SLC2A4RG: variants seen among roughly 807,000 people sequenced by gnomAD.
SLC2A4RG encodes GLUT4 enhancer factor.
SLC2A4RG carries 23 observed loss-of-function variants against 35.5 expected under a neutral mutation model. That is an observed-to-expected ratio of 0.65 (90% CI 0.47 to 0.92). The LOEUF (loss-of-function observed/expected upper bound fraction) is 0.92. Among genes scored for constraint, SLC2A4RG ranks in the 40% least tolerant of loss-of-function variants. SLC2A4RG has a pLI of 0.00. For missense variants in SLC2A4RG, 539 were observed against 525.0 expected (o/e 1.03, Z -0.26); for synonymous variants, 306 against 243.7 (o/e 1.26, Z -2.38).
At chr20:63,740,753 C>T (rs1243007826) in intron 2 of SLC2A4RG, among the ~76,000 whole-genome samples, 1 of 152,224 alleles carries the variant, frequency 6.6e-6, no homozygotes, top group Non-Finnish European at 1.5e-5. Flanking sequence ...GCTCAGAACC[C>T]GGAGCGGGTG....
Position 63,743,309 on chromosome 20 carries a change from T to C in SLC2A4RG, c.*319T>C. On this transcript the variant is annotated 3_prime_UTR_variant, in exon 8 of 8. Coordinates refer to ENST00000266077, the MANE Select transcript of SLC2A4RG (RefSeq NM_020062.4). Reference sequence around the variant, plus strand: ...CGGCCCGTAGATTTATCAAGGGTGTTATGGGCCCAGCTTTGGGGGGCCAGT... The same window carrying C: ...CGGCCCGTAGATTTATCAAGGGTGTCATGGGCCCAGCTTTGGGGGGCCAGT... The C allele has an allele frequency of 4.2e-6, 1 of 238,724 alleles. No individual in the cohort carries two copies. Among genetic ancestry groups the C allele is most frequent in the East Asian group, 8.7e-5 (1 of 11,450 alleles). 14.8% of individuals were successfully genotyped at this position (238,724 alleles called of 1,614,324 possible). A position where few individuals can be genotyped will look rare whatever the true frequency, so the allele number is the denominator to read the frequency against.
In SLC2A4RG at chr20:63,743,679, A is replaced by AATT. The variant is rs1410318487; in HGVS notation, c.*690_*692dup. 6.6e-6 allele frequency: 1 copy of AATT among 152,394 alleles called. No individual in the cohort carries two copies. The highest frequency in any genetic ancestry group is 2.4e-5 in the African/African-American group (1 of 41,456). 9.4% of individuals were successfully genotyped at this position (152,394 alleles called of 1,614,324 possible). On this transcript the variant is annotated 3_prime_UTR_variant, in exon 8 of 8. Transcript: ENST00000266077. ...CGCAGGAGGCATCTGCTGGAGCAGC[A>AATT]ATTTCCCAATTTATTGAAAGTGATC...
chr20:63,740,067 G>T, intron 1 of SLC2A4RG, 29 bp downstream of exon 1: 1 of 942,914 alleles, frequency 1.1e-6, no homozygotes, highest in South Asian at 4.8e-5. Flanking sequence ...CGGGGGCGCC[G>T]ACCAAGTTTC....
rs1322520598 is a variant in SLC2A4RG at position 63,743,926 on chromosome 20, C to CAATAT, written c.*943_*947dup. 2 of 152,554 alleles carry CAATAT rather than the reference C, an allele frequency of 1.3e-5. No individual in the cohort carries two copies. Among genetic ancestry groups the CAATAT allele is most frequent in the South Asian group, 4.2e-4 (2 of 4,810 alleles). The allele number at this position is 152,554 out of a possible 1,614,324, so 9.5% of individuals were successfully genotyped here. ...AGGTTTATAATAAGTAATAGGAAGTCAATATAATATAGATTATCCCCAGAA... is the reference window on the plus strand; with the variant it reads ...AGGTTTATAATAAGTAATAGGAAGTCAATATAATATAATATAGATTATCCCCAGAA... On this transcript the variant is annotated 3_prime_UTR_variant, in exon 8 of 8. Transcript: ENST00000266077.
chr20:63,743,084 T>A lies in SLC2A4RG; in HGVS notation c.*94T>A. 1 of 451,786 alleles carries A rather than the reference T, an allele frequency of 2.2e-6. No individual in the cohort carries two copies. The highest frequency in any genetic ancestry group is 3.1e-6 in the Non-Finnish European group (1 of 317,652). 28.0% of individuals were successfully genotyped at this position (451,786 alleles called of 1,614,324 possible). ...ACAGCCCGAGGACAGCCCCAGGGGC[T>A]GGCTTTCACCAGCTGCAGGGTCTGC... On this transcript the variant is annotated 3_prime_UTR_variant, in exon 8 of 8. Transcript: ENST00000266077.
In SLC2A4RG at chr20:63,743,090, TCACCAGCTGCAGGG is replaced by T; in HGVS notation, c.*101_*114del. 3.8e-6 allele frequency: 1 copy of T among 260,624 alleles called. No individual in the cohort carries two copies. The highest frequency in any genetic ancestry group is 8.4e-5 in the Admixed American group (1 of 11,894). 16.1% of individuals were successfully genotyped at this position (260,624 alleles called of 1,614,324 possible). A position where few individuals can be genotyped will look rare whatever the true frequency, so the allele number is the denominator to read the frequency against. On this transcript the variant is annotated 3_prime_UTR_variant, in exon 8 of 8. Transcript: ENST00000266077. ...CGAGGACAGCCCCAGGGGCTGGCTT[TCACCAGCTGCAGGG>T]TCTGCTTTTACTTGGGGTGGGGGGG...
In SLC2A4RG at chr20:63,741,856, C is replaced by G. The variant is rs746124793; in HGVS notation, c.392-13C>G. On this transcript the variant is annotated splice_polypyrimidine_tract_variant and intron_variant, in intron 3 of 7. Transcript: ENST00000266077. ...ACCCGAAGTTCTAAGGCGGGGGGCC[C>G]GTGTCCCCACAGAGCCTGGCCTGGA... 1 of 1,572,976 alleles carries G rather than the reference C, an allele frequency of 6.4e-7. No homozygotes were observed. Among genetic ancestry groups the G allele is most frequent in the South Asian group, 1.2e-5 (1 of 86,818 alleles).
rs1031151436 is a variant in SLC2A4RG, at chr20:63,743,338, G to A, written c.*348G>A. The A allele has an allele frequency of 2.9e-5, 6 of 209,070 alleles. No homozygotes were observed. Among genetic ancestry groups the A allele is most frequent in the Non-Finnish European group, 4.9e-5 (5 of 102,290 alleles). The allele number at this position is 209,070 out of a possible 1,614,324, so 13.0% of individuals were successfully genotyped here. A position where few individuals can be genotyped will look rare whatever the true frequency, so the allele number is the denominator to read the frequency against. On this transcript the variant is annotated 3_prime_UTR_variant, in exon 8 of 8. Transcript: ENST00000266077. ...GGCCCAGCTTTGGGGGGCCAGTCCC[G>A]ATGCACTTTGAGGGGTGTTGGAGAG...
chr20:63,741,151 G>C, intron 2 of SLC2A4RG: 1 of 574,486 alleles, frequency 1.7e-6, no homozygotes, highest in Non-Finnish European at 3.1e-6. Context: ...GCGATGTGGA[G>C]AACTCAGGCT....
rs1360556572 is a variant in SLC2A4RG, at chr20:63,744,046, A to C, written c.*1056A>C. ...GTTGAAAAAAATAAATATTTAAGAA[A>C]AGCACACACAGCACCCTCACTACAA... On this transcript the variant is annotated 3_prime_UTR_variant, in exon 8 of 8. Coordinates refer to ENST00000266077, the MANE Select transcript of SLC2A4RG (RefSeq NM_020062.4). 1 of 152,522 alleles carries C rather than the reference A, an allele frequency of 6.6e-6. No homozygotes were observed. The highest frequency in any genetic ancestry group is 1.5e-5 in the Non-Finnish European group (1 of 68,044). 9.4% of individuals were successfully genotyped at this position (152,522 alleles called of 1,614,324 possible).
intron 2 of SLC2A4RG, among the ~76,000 whole-genome samples, chr20:63,741,003 G>C (rs1254873753): frequency 1.3e-5 from 2 of 152,138 alleles, no homozygotes; most frequent in Admixed American, 6.5e-5. Flanking sequence ...CAGGCCTGGC[G>C]TGAGGCCCAC....
chr20:63,741,876 C>T lies in SLC2A4RG; in HGVS notation c.399C>T (p.Gly133=), dbSNP rs748400036. ...GGGCCCGTGTCCCCACAGAGCCTGG[C>T]CTGGAGCCCTGGAAGGAGGCCCTGG... ...APVAAFSPEP[G]LEPWKEALVR... Residue 133 remains glycine (G), a synonymous_variant, in exon 4 of 8, where the codon GGC becomes GGT. Coordinates refer to ENST00000266077, the MANE Select transcript of SLC2A4RG (RefSeq NM_020062.4). 3 of 1,597,030 alleles carry T rather than the reference C, an allele frequency of 1.9e-6. No homozygotes were observed. Among genetic ancestry groups the T allele is most frequent in the East Asian group, 2.3e-5 (1 of 43,680 alleles).
chr20:63,740,291 G>A (rs2092035092), intron 1 of SLC2A4RG, 86 bp from the exon 2 acceptor site: 1 of 929,504 alleles, frequency 1.1e-6, no homozygotes, highest in African/African-American at 1.7e-5. Context: ...TTCGAGGCGG[G>A]CGCCGAGCGG....
Position 63,739,848 on chromosome 20 carries a change from G to A in SLC2A4RG, c.-65G>A. The A allele has an allele frequency of 1.0e-6, 1 of 975,964 alleles. No homozygotes were observed. Among genetic ancestry groups the A allele is most frequent in the Non-Finnish European group, 1.2e-6 (1 of 826,486 alleles). 60.5% of individuals were successfully genotyped at this position (975,964 alleles called of 1,614,324 possible). On this transcript the variant is annotated 5_prime_UTR_variant, in exon 1 of 8. Coordinates refer to ENST00000266077, the MANE Select transcript of SLC2A4RG (RefSeq NM_020062.4). The stretch of plus-strand genomic sequence containing the variant: ...GTCGGCGGCCCGGCCAGCCCGGCCC[G>A]GCCCGGGGCCGCGTCCTGAGAGTCA...
chr20:63,742,274 G>C, intron 5 of SLC2A4RG, 44 bp downstream of exon 5: 1 of 1,595,214 alleles, frequency 6.3e-7, no homozygotes, highest in Non-Finnish European at 8.5e-7. Flanking sequence ...GGGTTGGCTG[G>C]GGTTGTGAGG....
chr20:63,739,981 G>T lies in SLC2A4RG; in HGVS notation c.69G>T (p.Leu23=). 2 of 980,552 alleles carry T rather than the reference G, an allele frequency of 2.0e-6. No homozygotes were observed. Among genetic ancestry groups the T allele is most frequent in the Non-Finnish European group, 2.4e-6 (2 of 828,208 alleles). The allele number at this position is 980,552 out of a possible 1,614,324, so 60.7% of individuals were successfully genotyped here. A position where few individuals can be genotyped will look rare whatever the true frequency, so the allele number is the denominator to read the frequency against. The part of the protein sequence containing the change: ...PSALRAEAPW[L]RAEGPGPRAA... ...CGCTGCGGGCCGAGGCGCCGTGGCT[G>T]CGCGCGGAGGGTCCGGGGCCGCGCG... is the stretch of plus-strand genomic sequence containing the variant. The change falls in exon 1 of 8, where the codon CTG becomes CTT. Residue 23 remains leucine, a synonymous_variant. Coordinates refer to ENST00000266077, the MANE Select transcript of SLC2A4RG (RefSeq NM_020062.4).
Position 63,741,212 on chromosome 20 carries a change from C to G in SLC2A4RG, c.282-158C>G, listed in dbSNP as rs984295004. The G allele has an allele frequency of 1.3e-5, 9 of 676,574 alleles. No homozygotes were observed. In the Admixed American group the frequency reaches 1.6e-4, roughly 12 times the overall value. 41.9% of individuals were successfully genotyped at this position (676,574 alleles called of 1,614,324 possible). A position where few individuals can be genotyped will look rare whatever the true frequency, so the allele number is the denominator to read the frequency against. On this transcript the variant is annotated intron_variant, in intron 2 of 7. Transcript: ENST00000266077. Reference sequence around the variant, plus strand: ...GCGGCTCCGGGTGGCTTTCAGCTCTCTCTGCAACCTGAGCTGGGGGAGGAG... The same window carrying G: ...GCGGCTCCGGGTGGCTTTCAGCTCTGTCTGCAACCTGAGCTGGGGGAGGAG...
At position 63,742,979 on chromosome 20, in the gene SLC2A4RG, TTCCTGGACTAA is replaced by T; in HGVS notation, c.1154_1164del (p.Phe385CysfsTer8). On this transcript the variant is annotated frameshift_variant and stop_lost, in exon 8 of 8. Transcript: ENST00000266077. LOFTEE classifies it high-confidence loss of function. Reference sequence around the variant, plus strand: ...CCGCTGGAAGAAAGCCTGCCAGCGGTTCCTGGACTAAGTCCGGCTCGTTCAAGAACATAAGC... The same window carrying T: ...CCGCTGGAAGAAAGCCTGCCAGCGGTGTCCGGCTCGTTCAAGAACATAAGC... 1 of 1,610,272 alleles carries T rather than the reference TTCCTGGACTAA, an allele frequency of 6.2e-7. No individual in the cohort carries two copies. Among genetic ancestry groups the T allele is most frequent in the Non-Finnish European group, 8.5e-7 (1 of 1,178,438 alleles).
chr20:63,742,111 C>G lies in SLC2A4RG; in HGVS notation c.580-19C>G, dbSNP rs752882583. 1 of 1,603,220 alleles carries G rather than the reference C, an allele frequency of 6.2e-7. No homozygotes were observed. Reference sequence around the variant, plus strand: ...GCGGGTGTGGCGGCTGAGCCTGACCCTGGCCCCTGTTGCTGCAGAGCCCGG... The same window carrying G: ...GCGGGTGTGGCGGCTGAGCCTGACCGTGGCCCCTGTTGCTGCAGAGCCCGG... On this transcript the variant is annotated intron_variant, in intron 4 of 7. Coordinates refer to ENST00000266077, the MANE Select transcript of SLC2A4RG (RefSeq NM_020062.4).
Sources: allele counts gnomAD v4.1 joint callset (sites outside exome capture counted in the v4.1 genomes callset), GRCh38; gene constraint gnomAD v4.1.1; transcripts MANE v1.5; gene names NCBI Gene and HGNC (gene_info 2026-07-23, HGNC 2026-07-21).